Variants in NME7 observed in about 807,000 individuals in gnomAD.
The protein encoded by NME7 is nucleoside diphosphate kinase 7.
Under a neutral mutation model 49.1 loss-of-function variants are expected in NME7, and 41 were observed. The observed-to-expected ratio is 0.83, with a 90% CI of 0.65 to 1.08. NME7 has a LOEUF of 1.08. Ranked by LOEUF, NME7 falls within the 50% of genes least tolerant of loss-of-function variation. The probability of loss-of-function intolerance (pLI) is 0.00; values close to 1 mark genes in which losing one functional copy is unlikely to be tolerated. For synonymous variants in NME7, 139 were observed against 150.6 expected (o/e 0.92, Z 0.56); for missense variants, 423 against 463.4 (o/e 0.91, Z 0.80).
At chr1:169,250,383 A>G (rs539805262) in intron 7 of NME7, among the ~76,000 whole-genome samples, 7 of 152,150 alleles carry the variant, frequency 4.6e-5, no homozygotes, top group Admixed American at 3.9e-4. Context: ...CTAATGGTCT[A>G]TCAACTTTGT....
At position 169,134,520 on chromosome 1, in the gene NME7, G is replaced by C. The variant is rs1356163847; in HGVS notation, c.1099-1703C>G. Among the ~76,000 whole-genome samples the C allele has an allele frequency of 3.3e-5, 5 of 152,082 alleles. No homozygotes were observed. The East Asian group carries it at 5.8e-4, about 18-fold the overall frequency. Reference sequence around the variant, plus strand: ...GAAAAGCATTTAAATACTGAAGAGAGAAAAAGGATTCTCTTTTCAACCCTT... The same window carrying C: ...GAAAAGCATTTAAATACTGAAGAGACAAAAAGGATTCTCTTTTCAACCCTT... On this transcript the variant is annotated intron_variant, in intron 11 of 11. Transcript: ENST00000367811.
In NME7 at chr1:169,238,477, GCACACACACACA is replaced by G. The variant is rs138287537; in HGVS notation, c.755-802_755-791del. On this transcript the variant is annotated intron_variant, in intron 7 of 11. Coordinates refer to ENST00000367811, the MANE Select transcript of NME7 (RefSeq NM_013330.5). ...GTCTCTTACACATACATGCACAAAG[GCACACACACACA>G]CACACACACACACACACACACACAC... 2.3e-4 allele frequency among the ~76,000 whole-genome samples: 29 copies of G among 124,150 alleles called. No individual in the cohort carries two copies. In the South Asian group the frequency reaches 7.7e-3, roughly 33 times the overall value. The allele number at this position is 124,150 out of a possible 152,430, so 81.4% of individuals were successfully genotyped here.
chr1:169,184,376 A>G (rs1398693787), intron 10 of NME7, among the ~76,000 whole-genome samples: 1 of 152,232 alleles, frequency 6.6e-6, no homozygotes, highest in African/African-American at 2.4e-5. Context: ...GTCATTTGAT[A>G]GTAACTGGAG....
chr1:169,348,296 T>C (rs1414893613), intron 1 of NME7, among the ~76,000 whole-genome samples: 1 of 151,998 alleles, frequency 6.6e-6, no homozygotes, highest in East Asian at 1.9e-4. Flanking sequence ...TATTTTGTAG[T>C]TTCCTGATTA....
intron 1 of NME7, among the ~76,000 whole-genome samples, chr1:169,336,748 A>C (rs1350147470): frequency 2.0e-5 from 3 of 151,588 alleles, no homozygotes; most frequent in Non-Finnish European, 4.4e-5. Context: ...TGCAATCGCA[A>C]ACCTTAAGCT....
At chr1:169,192,967 T>C (rs924891890) in intron 10 of NME7, among the ~76,000 whole-genome samples, 1 of 152,180 alleles carries the variant, frequency 6.6e-6, no homozygotes, top group African/African-American at 2.4e-5. Context: ...TCCTGAAATA[T>C]ATATACCGTG....
chr1:169,318,787 C>A (rs1314055311), intron 3 of NME7, among the ~76,000 whole-genome samples: 1 of 151,674 alleles, frequency 6.6e-6, no homozygotes, highest in Non-Finnish European at 1.5e-5. Context: ...AAAAAAAGGG[C>A]CATGAACAGA....
In NME7 at chr1:169,271,672, T is replaced by A. The variant is rs1649496940; in HGVS notation, c.754+15631A>T. On this transcript the variant is annotated intron_variant, in intron 7 of 11. Transcript: ENST00000367811. The stretch of plus-strand genomic sequence containing the variant: ...TTCATCAACAGGATATTCTGGCCTT[T>A]TTTTGGGAAGTCAGCAGTCAACAGA... Among the ~76,000 whole-genome samples, 2 of 133,606 alleles carry A rather than the reference T, an allele frequency of 1.5e-5. 1 individual carries two copies. The highest frequency in any genetic ancestry group is 3.5e-5 in the Non-Finnish European group (2 of 56,962). 87.7% of individuals were successfully genotyped at this position (133,606 alleles called of 152,430 possible).
At chr1:169,286,953 CAA>C (rs71121752) in intron 7 of NME7, 210 of 118,484 alleles carry the variant, frequency 1.8e-3, no homozygotes, top group South Asian at 8.6e-3. Context: ...GACTCTGTCT[CAA>C]AAAAAAAAAA....
At chr1:169,332,622 A>G (rs1652299629) in intron 1 of NME7, among the ~76,000 whole-genome samples, 1 of 152,214 alleles carries the variant, frequency 6.6e-6, no homozygotes, top group Non-Finnish European at 1.5e-5. Flanking sequence ...ACAACTCTAC[A>G]GGAAGAAATC....
chr1:169,221,055 G>T (rs1386993824), intron 10 of NME7, among the ~76,000 whole-genome samples: 2 of 152,038 alleles, frequency 1.3e-5, no homozygotes, highest in African/African-American at 4.8e-5. Flanking sequence ...CTACTCCGTA[G>T]AACTAAGGAT....
At chr1:169,319,866 A>G (rs551100169) in intron 3 of NME7, among the ~76,000 whole-genome samples, 1 of 152,304 alleles carries the variant, frequency 6.6e-6, no homozygotes, top group South Asian at 2.1e-4. Flanking sequence ...AGGAATGAGG[A>G]TTGCTCAATG....
At chr1:169,361,705 A>G (rs1378956791) in intron 1 of NME7, among the ~76,000 whole-genome samples, 2 of 151,850 alleles carry the variant, frequency 1.3e-5, no homozygotes, top group South Asian at 2.1e-4. Flanking sequence ...GCTTGAACCC[A>G]GGAGGCAGAG....
At chr1:169,297,277 A>G (rs982872044) in intron 6 of NME7, among the ~76,000 whole-genome samples, 6 of 152,268 alleles carry the variant, frequency 3.9e-5, no homozygotes, top group African/African-American at 1.4e-4. Flanking sequence ...CCCAGCCTCT[A>G]TAGTCATTCT....
At position 169,301,199 on chromosome 1, in the gene NME7, C is replaced by A. The variant is rs1374237959; in HGVS notation, c.440+1946G>T. On this transcript the variant is annotated intron_variant, in intron 5 of 11. Coordinates refer to ENST00000367811, the MANE Select transcript of NME7 (RefSeq NM_013330.5). ...ATGCATTCAACAAAGGACTAATATGCAGAATCTGTAACGACCTTAAATAAT... is the reference window on the plus strand; with the variant it reads ...ATGCATTCAACAAAGGACTAATATGAAGAATCTGTAACGACCTTAAATAAT... 3.3e-5 allele frequency among the ~76,000 whole-genome samples: 5 copies of A among 152,062 alleles called. No individual in the cohort carries two copies. In the East Asian group the frequency reaches 9.6e-4, roughly 29 times the overall value.
intron 11 of NME7, among the ~76,000 whole-genome samples, chr1:169,138,417 A>T (rs2101806236): frequency 6.6e-6 from 1 of 152,272 alleles, no homozygotes; most frequent in Middle Eastern, 3.4e-3. Flanking sequence ...GTTCTCTTTT[A>T]AAAACCTCAA....
At chr1:169,160,788 G>A (rs1450825527) in intron 11 of NME7, among the ~76,000 whole-genome samples, 2 of 152,148 alleles carry the variant, frequency 1.3e-5, no homozygotes, top group African/African-American at 2.4e-5. Flanking sequence ...GTACTATCAC[G>A]TTTGCTTGGG....
chr1:169,274,311 T>C (rs143340439), intron 7 of NME7, among the ~76,000 whole-genome samples: 18,850 of 132,020 alleles, frequency 0.14, 4,618 homozygotes, highest in Admixed American at 0.16. Context: ...TTTGATGGGG[T>C]TGTTTGTTTT....
At chr1:169,281,516 T>A (rs1175359753) in intron 7 of NME7, among the ~76,000 whole-genome samples, 2 of 152,220 alleles carry the variant, frequency 1.3e-5, no homozygotes, top group African/African-American at 2.4e-5. Flanking sequence ...AGAGAGGGCA[T>A]CCTTGTCTTG....
Sources: gnomAD v4.1 joint callset for allele counts (sites outside exome capture counted in the v4.1 genomes callset) on GRCh38, gnomAD v4.1.1 for gene constraint, MANE v1.5 for transcripts, NCBI Gene and HGNC (gene_info 2026-07-23, HGNC 2026-07-21) for gene names.